Variants in PPARGC1A observed in about 807,000 individuals in gnomAD.
PPARGC1A encodes the protein peroxisome proliferator-activated receptor gamma coactivator 1-alpha.
In PPARGC1A, 25 loss-of-function variants were observed where a neutral mutation model predicts 88.7. The observed-to-expected ratio is 0.28, with a 90% CI of 0.21 to 0.39. The LOEUF (loss-of-function observed/expected upper bound fraction) is 0.39, where lower values mean the gene tolerates loss of function less well. Ranked by LOEUF, PPARGC1A falls within the 10% of genes least tolerant of loss-of-function variation. The probability of loss-of-function intolerance (pLI) is 1.00; values close to 1 mark genes in which losing one functional copy is unlikely to be tolerated. For missense variants in PPARGC1A, 880 were observed against 968.7 expected, an observed-to-expected ratio of 0.91 and a Z score of 1.22; for synonymous variants, 363 against 355.6, an observed-to-expected ratio of 1.02 and a Z score of -0.24.
At chr4:24,286,930 C>T in the PPARGC1A span, among the ~76,000 whole-genome samples, 2 of 152,050 alleles carry the variant, frequency 1.3e-5, no homozygotes, top group Non-Finnish European at 2.9e-5. Flanking sequence ...TACAGCATGG[C>T]AACTGGCTTC....
chr4:23,987,549 G>A, the PPARGC1A span, among the ~76,000 whole-genome samples: 1 of 151,904 alleles, frequency 6.6e-6, no homozygotes, highest in Non-Finnish European at 1.5e-5. Flanking sequence ...TTAGGGGTCT[G>A]TGTCACTGCT....
chr4:24,111,552 CATTAA>C, the PPARGC1A span, among the ~76,000 whole-genome samples: 1 of 152,258 alleles, frequency 6.6e-6, no homozygotes, highest in East Asian at 1.9e-4. Flanking sequence ...CATGGTTTCA[CATTAA>C]ATTAAATTGA....
chr4:23,934,744 AT>A, the PPARGC1A span, among the ~76,000 whole-genome samples: 1 of 152,210 alleles, frequency 6.6e-6, no homozygotes, highest in African/African-American at 2.4e-5. Flanking sequence ...AGAAGTTACT[AT>A]TAGTCTCAAT....
chr4:24,222,121 C>T, the PPARGC1A span, among the ~76,000 whole-genome samples: 1 of 152,130 alleles, frequency 6.6e-6, no homozygotes. Flanking sequence ...GGGCTTGAGT[C>T]AAAAAGCAGA....
chr4:24,167,896 G>T, the PPARGC1A span, among the ~76,000 whole-genome samples: 5 of 152,048 alleles, frequency 3.3e-5, no homozygotes, highest in African/African-American at 9.7e-5. Flanking sequence ...TGTGACCACA[G>T]GCATGCACAA....
At chr4:23,899,467 T>G (rs968798899), upstream of PPARGC1A, 5 of 152,218 alleles carry the variant, frequency 3.3e-5, no homozygotes, top group African/African-American at 1.2e-4. Context: ...AGCTAATAAT[T>G]TTCTAGGAAA....
At chr4:24,376,079 A>G in the PPARGC1A span, among the ~76,000 whole-genome samples, 2 of 152,174 alleles carry the variant, frequency 1.3e-5, no homozygotes, top group Non-Finnish European at 1.5e-5. Flanking sequence ...CCATTCACAC[A>G]TTAAAGAACA....
At chr4:24,369,075 A>C in the PPARGC1A span, among the ~76,000 whole-genome samples, 1 of 152,142 alleles carries the variant, frequency 6.6e-6, no homozygotes, top group Non-Finnish European at 1.5e-5. Context: ...CCCACTAATT[A>C]TCTCTTCCCA....
chr4:24,128,207 C>T, the PPARGC1A span, among the ~76,000 whole-genome samples: 1 of 152,186 alleles, frequency 6.6e-6, no homozygotes, highest in East Asian at 1.9e-4. Flanking sequence ...ATACACTCGT[C>T]CTGGTTTACC....
the PPARGC1A span, among the ~76,000 whole-genome samples, chr4:24,249,036 C>A: frequency 6.6e-6 from 1 of 152,118 alleles, no homozygotes; most frequent in South Asian, 2.1e-4. Flanking sequence ...GGATTCAGAT[C>A]CATAAATCCA....
the PPARGC1A span, among the ~76,000 whole-genome samples, chr4:24,209,303 G>A: frequency 6.6e-6 from 1 of 152,106 alleles, no homozygotes; most frequent in African/African-American, 2.4e-5. Flanking sequence ...CTTCTTCTTT[G>A]GGCATCAGCA....
chr4:24,260,955 A>G, the PPARGC1A span, among the ~76,000 whole-genome samples: 13 of 152,240 alleles, frequency 8.5e-5, no homozygotes, highest in South Asian at 2.3e-3. Context: ...CGCTTCCCCA[A>G]TAAGTTTTGC....
chr4:24,454,817 C>T, the PPARGC1A span, among the ~76,000 whole-genome samples: 1 of 151,780 alleles, frequency 6.6e-6, no homozygotes, highest in African/African-American at 2.4e-5. Flanking sequence ...TAAATAGTTC[C>T]GAGTCTCAGG....
the PPARGC1A span, among the ~76,000 whole-genome samples, chr4:23,973,399 AT>A: frequency 6.6e-6 from 1 of 152,222 alleles, no homozygotes; most frequent in African/African-American, 2.4e-5. Flanking sequence ...TAAAATTTAT[AT>A]TGGGCAGTCT....
the PPARGC1A span, among the ~76,000 whole-genome samples, chr4:24,262,118 C>G: frequency 0.34 from 52,198 of 151,698 alleles, 10,457 homozygotes; most frequent in Non-Finnish European, 0.45. Context: ...CAAGTCACCA[C>G]GCACCCCCCG....
the PPARGC1A span, among the ~76,000 whole-genome samples, chr4:23,983,091 AG>A: frequency 2.0e-5 from 3 of 152,262 alleles, no homozygotes; most frequent in South Asian, 4.2e-4. Flanking sequence ...ACAGAAAAAA[AG>A]TTTAACTGAC....
At chr4:23,927,869 G>A in the PPARGC1A span, among the ~76,000 whole-genome samples, 1 of 152,104 alleles carries the variant, frequency 6.6e-6, no homozygotes, top group Admixed American at 6.5e-5. Context: ...AAAAATCCTT[G>A]CAGGCTTAAG....
At chr4:24,362,436 A>C in the PPARGC1A span, among the ~76,000 whole-genome samples, 1 of 152,064 alleles carries the variant, frequency 6.6e-6, no homozygotes, top group Admixed American at 6.6e-5. Context: ...ATTAAAGAAG[A>C]AGTAAATGCT....
the PPARGC1A span, among the ~76,000 whole-genome samples, chr4:24,359,420 C>A: frequency 6.6e-6 from 1 of 152,172 alleles, no homozygotes; most frequent in Admixed American, 6.5e-5. Context: ...GAACTCCATA[C>A]CCCATGTCCA....
Sources: allele counts gnomAD v4.1 joint callset (sites outside exome capture counted in the v4.1 genomes callset), GRCh38; gene constraint gnomAD v4.1.1; transcripts MANE v1.5; gene names NCBI Gene and HGNC (gene_info 2026-07-23, HGNC 2026-07-21).